Variants in SDHC observed in about 807,000 individuals in gnomAD.
The protein encoded by SDHC is succinate dehydrogenase cytochrome b560 subunit, mitochondrial.
SDHC carries 11 observed loss-of-function variants against 22.6 expected under a neutral mutation model. The ratio of observed to expected loss-of-function variants is 0.49; its 90% CI spans 0.31 to 0.81. The LOEUF is 0.81. Ranked by LOEUF, SDHC falls within the 30% of genes least tolerant of loss-of-function variation. SDHC has a pLI of 0.05. For missense variants in SDHC, 160 were observed against 212.0 expected (o/e 0.75, Z 1.52); for synonymous variants, 80 against 77.8 (o/e 1.03, Z -0.15).
intron 4 of SDHC, among the ~76,000 whole-genome samples, chr1:161,353,046 T>C (rs1255705507): frequency 6.6e-6 from 1 of 152,204 alleles, no homozygotes; most frequent in Non-Finnish European, 1.5e-5. Flanking sequence ...TTGAGAACAT[T>C]TGACTTATTT....
intron 1 of SDHC, among the ~76,000 whole-genome samples, chr1:161,321,337 T>TA (rs1240241341): frequency 1.3e-5 from 2 of 152,218 alleles, no homozygotes; most frequent in Admixed American, 6.5e-5. Context: ...GAAGGATAAT[T>TA]ACTTTTGTCA....
At chr1:161,338,326 A>T (rs2102329667) in intron 3 of SDHC, among the ~76,000 whole-genome samples, 1 of 152,248 alleles carries the variant, frequency 6.6e-6, no homozygotes, top group East Asian at 1.9e-4. Flanking sequence ...GACCATTTTC[A>T]TTATGTAGGC....
intron 1 of SDHC, among the ~76,000 whole-genome samples, chr1:161,323,289 C>T (rs977366253): frequency 2.6e-5 from 4 of 152,026 alleles, no homozygotes; most frequent in Non-Finnish European, 5.9e-5. Context: ...TGAGCCAGCG[C>T]GCCTGGCCCA....
chr1:161,339,662 G>GTTTGT, intron 3 of SDHC: 1 of 50,070 alleles, frequency 2.0e-5, no homozygotes, highest in Non-Finnish European at 3.4e-5. Context: ...TGATACAGGT[G>GTTTGT]TTTTTTTTTT....
chr1:161,332,928 C>T (rs920827351), intron 3 of SDHC, among the ~76,000 whole-genome samples: 2 of 152,174 alleles, frequency 1.3e-5, no homozygotes, highest in Non-Finnish European at 2.9e-5. Flanking sequence ...CCACCATGCC[C>T]AGCCAATTTT....
chr1:161,348,903 C>G (rs1055811122), intron 4 of SDHC, among the ~76,000 whole-genome samples: 2 of 119,122 alleles, frequency 1.7e-5, no homozygotes, highest in Non-Finnish European at 3.4e-5. Flanking sequence ...TTGACTTTTT[C>G]CTATAAAAGT....
intron 4 of SDHC, among the ~76,000 whole-genome samples, chr1:161,343,442 A>G (rs1163773390): frequency 2.0e-5 from 3 of 152,192 alleles, no homozygotes; most frequent in Admixed American, 2.0e-4. Flanking sequence ...ACTCCTATCT[A>G]AGATCTGATG....
chr1:161,346,335 A>G (rs1193343634), intron 4 of SDHC, among the ~76,000 whole-genome samples: 1 of 152,130 alleles, frequency 6.6e-6, no homozygotes, highest in African/African-American at 2.4e-5. Flanking sequence ...GGGATAATAT[A>G]TAGTCTCTAC....
intron 4 of SDHC, among the ~76,000 whole-genome samples, chr1:161,343,080 C>T (rs1395199745): frequency 2.0e-5 from 3 of 152,094 alleles, no homozygotes; most frequent in Non-Finnish European, 2.9e-5. Flanking sequence ...TGCTCTTGCT[C>T]CAGAAATTTG....
chr1:161,355,235 G>A (rs1672230026), intron 4 of SDHC, among the ~76,000 whole-genome samples: 1 of 152,182 alleles, frequency 6.6e-6, no homozygotes. Flanking sequence ...GGCTAATGAT[G>A]TTAAGCACCT....
chr1:161,314,597 C>T (rs1670533512), intron 1 of SDHC, 172 bp downstream of exon 1: 1 of 707,454 alleles, frequency 1.4e-6, no homozygotes, highest in South Asian at 1.6e-5. Flanking sequence ...CCCCCCCAGC[C>T]GCTCCGGTGC....
intron 3 of SDHC, chr1:161,339,542 A>G: frequency 1.6e-6 from 2 of 1,245,206 alleles, no homozygotes; most frequent in South Asian, 1.3e-5. Flanking sequence ...TTGAGTTATA[A>G]TCATTTTTTT....
Position 161,363,045 on chromosome 1 carries a change from C to T in SDHC, c.*612C>T, listed in dbSNP as rs16865495. On this transcript the variant is annotated 3_prime_UTR_variant, in exon 6 of 6. Transcript: ENST00000367975. Reference sequence around the variant, plus strand: ...AGGAGAAAATATATAGCTTTGGACACGAGGAAGATCTAGAAAATTATCATT... The same window carrying T: ...AGGAGAAAATATATAGCTTTGGACATGAGGAAGATCTAGAAAATTATCATT... The T allele has an allele frequency of 0.01, 2,527 of 242,178 alleles. 61 individuals are homozygous for T. The highest frequency in any genetic ancestry group is 0.052 in the African/African-American group (2,374 of 45,458). 15.0% of individuals were successfully genotyped at this position (242,178 alleles called of 1,614,324 possible). A position where few individuals can be genotyped will look rare whatever the true frequency, so the allele number is the denominator to read the frequency against.
At chr1:161,355,299 G>C (rs376335029) in intron 4 of SDHC, among the ~76,000 whole-genome samples, 101 of 152,288 alleles carry the variant, frequency 6.6e-4, no homozygotes, top group African/African-American at 2.3e-3. Context: ...TGTCTATTCA[G>C]ATCCATTTGT....
At chr1:161,327,285 A>G (rs1179927167) in intron 2 of SDHC, among the ~76,000 whole-genome samples, 1 of 152,204 alleles carries the variant, frequency 6.6e-6, no homozygotes, top group Non-Finnish European at 1.5e-5. Flanking sequence ...AGCTGTGCCT[A>G]CATGCGGGGG....
At position 161,356,725 on chromosome 1, in the gene SDHC, A is replaced by T. The variant is rs1672286669; in HGVS notation, c.290A>T (p.Glu97Val). ...GCCCTGTTACTCCCTGGGAACTTTG[A>T]GTCTTATTTGGAACTTGTGAAGTCC... ...MSALLLPGNF[E>V]SYLELVKSLC... The change falls in exon 5 of 6, where the codon GAG becomes GTG. Residue 97 changes from glutamate (E) to valine (V), a missense_variant. Physicochemically the swap from Glu to Val is moderately radical, Grantham distance 121. This residue lies in a region of SDHC where 74 missense variants were observed against 128.6 expected (regional missense o/e 0.58). Transcript: ENST00000367975. 6.2e-7 allele frequency: 1 copy of T among 1,613,514 alleles called. No individual in the cohort carries two copies. Among genetic ancestry groups the T allele is most frequent in the Non-Finnish European group, 8.5e-7 (1 of 1,179,876 alleles).
chr1:161,354,136 C>T (rs766697762), intron 4 of SDHC, among the ~76,000 whole-genome samples: 3 of 152,148 alleles, frequency 2.0e-5, no homozygotes, highest in Non-Finnish European at 4.4e-5. Flanking sequence ...CAGGCATGAG[C>T]CACCATACCC....
chr1:161,349,991 A>G (rs1218632487), intron 4 of SDHC, among the ~76,000 whole-genome samples: 3 of 151,956 alleles, frequency 2.0e-5, no homozygotes, highest in South Asian at 2.1e-4. Context: ...GCTCACTGCA[A>G]CCTCCACCTC....
intron 3 of SDHC, among the ~76,000 whole-genome samples, chr1:161,335,086 T>G (rs1671422388): frequency 6.6e-6 from 1 of 152,224 alleles, no homozygotes; most frequent in South Asian, 2.1e-4. Flanking sequence ...TAGTCTTTCC[T>G]TATTTGTTAT....
Sources: gnomAD v4.1 joint callset for allele counts (sites outside exome capture counted in the v4.1 genomes callset) on GRCh38, gnomAD v4.1.1 for gene constraint, gnomAD v4.1.1 regional missense constraint, MANE v1.5 for transcripts, NCBI Gene and HGNC (gene_info 2026-07-23, HGNC 2026-07-21) for gene names.